The following GPC6 variants were observed in gnomAD, a reference collection of about 807,000 sequenced individuals.
The protein encoded by GPC6 is glypican 6, also known as glypican-6.
In GPC6, 14 loss-of-function variants were observed where a neutral mutation model predicts 55.2. The observed-to-expected ratio is 0.25, with a 90% CI of 0.17 to 0.40. GPC6 has a LOEUF of 0.40. Among genes scored for constraint, GPC6 ranks in the 10% least tolerant of loss-of-function variants. The pLI, the probability that GPC6 is intolerant of heterozygous loss-of-function variation, is 1.00. For synonymous variants in GPC6, 278 were observed against 259.6 expected, an observed-to-expected ratio of 1.07 and a Z score of -0.68; for missense variants, 641 against 708.5, an observed-to-expected ratio of 0.90 and a Z score of 1.08.
At chr13:94,093,131 G>T (rs546635776) in intron 4 of GPC6, among the ~76,000 whole-genome samples, 12 of 151,980 alleles carry the variant, frequency 7.9e-5, no homozygotes, top group African/African-American at 2.9e-4. Flanking sequence ...ACTCCCATTT[G>T]TCTATTTTTG....
chr13:93,514,014 C>T (rs970870927), intron 1 of GPC6, among the ~76,000 whole-genome samples: 1 of 150,666 alleles, frequency 6.6e-6, no homozygotes, highest in African/African-American at 2.4e-5. Flanking sequence ...GGTGGGATTA[C>T]AGGCACCCAC....
At chr13:94,330,667 C>T (rs191404872) in intron 6 of GPC6, among the ~76,000 whole-genome samples, 1 of 152,268 alleles carries the variant, frequency 6.6e-6, no homozygotes, top group Admixed American at 6.5e-5. Flanking sequence ...GTAGGTACAT[C>T]ATGCTAAGAG....
intron 4 of GPC6, among the ~76,000 whole-genome samples, chr13:94,104,865 C>A (rs1157359248): frequency 2.0e-5 from 3 of 152,102 alleles, no homozygotes; most frequent in African/African-American, 7.2e-5. Flanking sequence ...TAGGAAGAAT[C>A]AATATCATGA....
intron 4 of GPC6, among the ~76,000 whole-genome samples, chr13:94,214,088 GA>G (rs1242459712): frequency 6.6e-6 from 1 of 152,196 alleles, no homozygotes; most frequent in Non-Finnish European, 1.5e-5. Flanking sequence ...GTTTTGGACT[GA>G]AGTTATCTAA....
At chr13:93,404,541 T>C (rs1324718502) in intron 1 of GPC6, among the ~76,000 whole-genome samples, 1 of 152,194 alleles carries the variant, frequency 6.6e-6, no homozygotes. Flanking sequence ...GGACGTTTTG[T>C]GTAGAAAGAC....
chr13:93,545,056 A>G (rs1353180392), intron 1 of GPC6, among the ~76,000 whole-genome samples: 3 of 152,192 alleles, frequency 2.0e-5, no homozygotes, highest in Non-Finnish European at 2.9e-5. Flanking sequence ...AGGAACAGAG[A>G]CTAAATATCG....
chr13:94,219,272 T>A (rs1890313100), intron 4 of GPC6, among the ~76,000 whole-genome samples: 2 of 152,070 alleles, frequency 1.3e-5, no homozygotes, highest in Non-Finnish European at 2.9e-5. Flanking sequence ...ATTTCCTCAT[T>A]TACAAAATGG....
intron 4 of GPC6, among the ~76,000 whole-genome samples, chr13:94,155,656 T>C (rs891210502): frequency 3.2e-4 from 48 of 152,200 alleles, no homozygotes; most frequent in African/African-American, 1.1e-3. Flanking sequence ...TAATCTGTTC[T>C]CTACCATAAG....
At chr13:94,067,165 C>T (rs750945461) in intron 4 of GPC6, among the ~76,000 whole-genome samples, 1 of 152,046 alleles carries the variant, frequency 6.6e-6, no homozygotes, top group Non-Finnish European at 1.5e-5. Context: ...ACTCAAATTC[C>T]AAAGTTATCA....
intron 4 of GPC6, among the ~76,000 whole-genome samples, chr13:94,057,582 T>C (rs1250857361): frequency 6.6e-6 from 1 of 152,198 alleles, no homozygotes; most frequent in Non-Finnish European, 1.5e-5. Flanking sequence ...TTCTCCATTA[T>C]TGGGAAATAA....
At chr13:93,603,275 G>A (rs1375328869) in intron 2 of GPC6, among the ~76,000 whole-genome samples, 1 of 152,086 alleles carries the variant, frequency 6.6e-6, no homozygotes, top group East Asian at 1.9e-4. Flanking sequence ...CCCAAATACT[G>A]GGATTGCAGG....
At chr13:93,589,029 C>T (rs1251077618) in intron 2 of GPC6, among the ~76,000 whole-genome samples, 1 of 152,118 alleles carries the variant, frequency 6.6e-6, no homozygotes, top group Non-Finnish European at 1.5e-5. Flanking sequence ...CTTATAAAAT[C>T]AAAACCCTTA....
intron 4 of GPC6, among the ~76,000 whole-genome samples, chr13:94,196,762 A>T (rs1177805070): frequency 1.3e-5 from 2 of 152,166 alleles, no homozygotes; most frequent in African/African-American, 4.8e-5. Flanking sequence ...GTTCATTTTC[A>T]ATTTCTTCCC....
chr13:94,093,337 T>C (rs1464465449), intron 4 of GPC6, among the ~76,000 whole-genome samples: 2 of 152,114 alleles, frequency 1.3e-5, no homozygotes, highest in African/African-American at 4.8e-5. Context: ...ATCTAGTTTT[T>C]CTAGCAGCAT....
intron 2 of GPC6, among the ~76,000 whole-genome samples, chr13:93,801,199 A>G (rs565745681): frequency 8.5e-5 from 13 of 152,314 alleles, no homozygotes; most frequent in East Asian, 5.8e-4. Context: ...TTGTTGTTCT[A>G]TATTGTCTCC....
intron 6 of GPC6, among the ~76,000 whole-genome samples, chr13:94,335,754 G>T (rs1488492129): frequency 6.6e-6 from 1 of 152,088 alleles, no homozygotes; most frequent in Non-Finnish European, 1.5e-5. Context: ...AAGACCTTTT[G>T]GGAATCAACT....
At chr13:93,381,112 A>C (rs1262889244) in intron 1 of GPC6, among the ~76,000 whole-genome samples, 1 of 152,172 alleles carries the variant, frequency 6.6e-6, no homozygotes, top group Non-Finnish European at 1.5e-5. Context: ...GATTTTTTTA[A>C]AGGACAATAA....
At chr13:93,390,911 AAAGTCACCAG>A (rs1875605818) in intron 1 of GPC6, among the ~76,000 whole-genome samples, 2 of 151,922 alleles carry the variant, frequency 1.3e-5, no homozygotes, top group East Asian at 3.9e-4. Flanking sequence ...AACTCTGTGG[AAAGTCACCAG>A]TATATCACAA....
At chr13:93,221,415 C>T in the GPC6 span, among the ~76,000 whole-genome samples, 1 of 152,090 alleles carries the variant, frequency 6.6e-6, no homozygotes, top group African/African-American at 2.4e-5. Context: ...TTCCTTGAAG[C>T]CAAACAGTTC....
Sources: allele counts gnomAD v4.1 joint callset (sites outside exome capture counted in the v4.1 genomes callset), GRCh38; gene constraint gnomAD v4.1.1; transcripts MANE v1.5; gene names NCBI Gene and HGNC (gene_info 2026-07-23, HGNC 2026-07-21).